The following NREP variants were observed in gnomAD, a reference collection of about 807,000 sequenced individuals.
The protein encoded by NREP is neuronal regeneration related protein.
A neutral mutation model predicts 8.6 loss-of-function variants in NREP; 5 were observed. The ratio of observed to expected loss-of-function variants is 0.58; its 90% confidence interval spans 0.30 to 1.22. The LOEUF is 1.22. NREP is among the 50% of genes most tolerant of loss of function. The pLI is 0.07. For missense variants in NREP, 86 were observed against 82.5 expected (o/e 1.04, Z -0.17); for synonymous variants, 27 against 28.0 (o/e 0.96, Z 0.11).
At chr5:111,824,645 G>A (rs1462281766) in intron 2 of NREP, among the ~76,000 whole-genome samples, 1 of 152,124 alleles carries the variant, frequency 6.6e-6, no homozygotes, top group Non-Finnish European at 1.5e-5. Flanking sequence ...ATCCCATTAG[G>A]AATTTAATGG....
intron 2 of NREP, among the ~76,000 whole-genome samples, chr5:111,811,468 C>G (rs1435048475): frequency 6.6e-6 from 1 of 152,130 alleles, no homozygotes; most frequent in Non-Finnish European, 1.5e-5. Flanking sequence ...TCAACGAAGA[C>G]TTTGCTATAC....
At chr5:111,823,367 T>G (rs954892506) in intron 2 of NREP, among the ~76,000 whole-genome samples, 3 of 152,170 alleles carry the variant, frequency 2.0e-5, no homozygotes, top group Non-Finnish European at 4.4e-5. Context: ...CCATACATGT[T>G]TGCATGTATC....
At chr5:111,955,165 G>T (rs1223879788) in intron 2 of NREP, among the ~76,000 whole-genome samples, 3 of 152,088 alleles carry the variant, frequency 2.0e-5, no homozygotes, top group African/African-American at 2.4e-5. Context: ...ATAAGTAAAA[G>T]GTTATGGTGA....
At chr5:111,854,077 G>A (rs1753368968) in intron 2 of NREP, among the ~76,000 whole-genome samples, 1 of 152,052 alleles carries the variant, frequency 6.6e-6, no homozygotes, top group African/African-American at 2.4e-5. Flanking sequence ...AAGCAATGTA[G>A]GATTTTTCCT....
chr5:111,833,564 G>T (rs768604422), intron 2 of NREP, among the ~76,000 whole-genome samples: 21 of 152,188 alleles, frequency 1.4e-4, no homozygotes, highest in Non-Finnish European at 2.5e-4. Context: ...AATACTGATG[G>T]TTTATGGGAT....
intron 2 of NREP, among the ~76,000 whole-genome samples, chr5:111,815,732 G>A (rs1581137777): frequency 1.3e-5 from 2 of 151,810 alleles, no homozygotes; most frequent in South Asian, 4.1e-4. Context: ...AAAAAGAAAC[G>A]GAAAATACAT....
At chr5:111,862,521 T>C (rs1045901561) in intron 2 of NREP, among the ~76,000 whole-genome samples, 1 of 152,138 alleles carries the variant, frequency 6.6e-6, no homozygotes, top group Non-Finnish European at 1.5e-5. Context: ...GAGGGATGTA[T>C]GACTGTTGCA....
At chr5:111,954,643 G>T (rs1315584331) in intron 2 of NREP, among the ~76,000 whole-genome samples, 1 of 152,056 alleles carries the variant, frequency 6.6e-6, no homozygotes, top group Non-Finnish European at 1.5e-5. Context: ...AAGGGGAAAA[G>T]AAATAAAGAG....
At chr5:111,771,205 A>G (rs1189785988) in intron 2 of NREP, among the ~76,000 whole-genome samples, 1 of 152,196 alleles carries the variant, frequency 6.6e-6, no homozygotes, top group Non-Finnish European at 1.5e-5. Flanking sequence ...TAAAAGGAGC[A>G]GCTATTGAGG....
intron 2 of NREP, among the ~76,000 whole-genome samples, chr5:111,886,170 C>T (rs965222562): frequency 9.2e-5 from 14 of 152,164 alleles, no homozygotes; most frequent in African/African-American, 3.1e-4. Flanking sequence ...AGGACATGAA[C>T]AGACACTTCT....
intron 2 of NREP, among the ~76,000 whole-genome samples, chr5:111,851,833 A>C (rs1368099119): frequency 6.6e-6 from 1 of 152,182 alleles, no homozygotes; most frequent in Non-Finnish European, 1.5e-5. Context: ...CATGTTTTCC[A>C]TTCCATAATG....
chr5:111,949,995 G>A (rs1169723767), intron 2 of NREP, among the ~76,000 whole-genome samples: 2 of 152,040 alleles, frequency 1.3e-5, no homozygotes, highest in African/African-American at 2.4e-5. Flanking sequence ...AGATCCTTGA[G>A]GAATTGCCAT....
At chr5:111,743,203 T>G (rs535617365) in intron 2 of NREP, among the ~76,000 whole-genome samples, 1 of 152,070 alleles carries the variant, frequency 6.6e-6, no homozygotes, top group African/African-American at 2.4e-5. Context: ...GATTATGCAG[T>G]TGTGAGTGAA....
intron 2 of NREP, among the ~76,000 whole-genome samples, chr5:111,951,895 C>A (rs1756170917): frequency 6.6e-6 from 1 of 151,976 alleles, no homozygotes; most frequent in Admixed American, 6.6e-5. Context: ...ATAGAGCAAT[C>A]ATATAACTGT....
intron 2 of NREP, among the ~76,000 whole-genome samples, chr5:111,950,856 A>G (rs764729664): frequency 1.3e-5 from 2 of 152,086 alleles, no homozygotes; most frequent in African/African-American, 2.4e-5. Context: ...GAGACACAAA[A>G]AGGTCTAGGA....
intron 2 of NREP, among the ~76,000 whole-genome samples, chr5:111,840,161 C>G (rs1752993279): frequency 6.6e-6 from 1 of 152,026 alleles, no homozygotes; most frequent in Admixed American, 6.6e-5. Flanking sequence ...TACACACACA[C>G]ACTCCCACAC....
In NREP at chr5:111,803,915, G is replaced by A. The variant is rs1752075347; in HGVS notation, c.136-68408C>T. On this transcript the variant is annotated intron_variant, in intron 2 of 3. Coordinates refer to the NREP transcript ENST00000395634. ...TATAGAAAGATATTCCTTATTCTTG[G>A]ATTAGGAGAATAAAGTCATGAACAT... is the stretch of plus-strand genomic sequence containing the variant. Among the ~76,000 whole-genome samples the A allele has an allele frequency of 3.9e-5, 6 of 152,252 alleles. No homozygotes were observed. In the South Asian group the frequency reaches 1.2e-3, roughly 32 times the overall value.
At chr5:111,818,595 A>C (rs1008740094) in intron 2 of NREP, among the ~76,000 whole-genome samples, 6 of 152,336 alleles carry the variant, frequency 3.9e-5, no homozygotes, top group Admixed American at 2.6e-4. Flanking sequence ...GATATATTGC[A>C]TGACTCTGAA....
intron 2 of NREP, among the ~76,000 whole-genome samples, chr5:111,768,527 CT>C (rs112294998): frequency 4.6e-5 from 7 of 152,298 alleles, no homozygotes; most frequent in Admixed American, 1.3e-4. Flanking sequence ...TCTCTGCCCC[CT>C]CTAGTAGTCC....
Sources: gnomAD v4.1 joint callset for allele counts (sites outside exome capture counted in the v4.1 genomes callset) on GRCh38, gnomAD v4.1.1 for gene constraint, MANE v1.5 for transcripts, NCBI Gene and HGNC (gene_info 2026-07-23, HGNC 2026-07-21) for gene names.